The following ANKIB1 variants were observed in gnomAD, a reference collection of about 807,000 sequenced individuals.
ANKIB1 encodes ankyrin repeat and IBR domain containing 1, also known as ankyrin repeat and IBR domain-containing protein 1.
Under a neutral mutation model 122.1 loss-of-function variants are expected in ANKIB1, and 43 were observed. The observed-to-expected ratio is 0.35, with a 90% CI of 0.28 to 0.45. The LOEUF (loss-of-function observed/expected upper bound fraction) is 0.45, where lower values mean the gene tolerates loss of function less well. ANKIB1 is among the 20% of genes least tolerant of loss of function. ANKIB1 has a pLI of 1.00. For synonymous variants in ANKIB1, 390 were observed against 442.0 expected (o/e 0.88, Z 1.48); for missense variants, 992 against 1,329.5 (o/e 0.75, Z 3.95).
intron 15 of ANKIB1, among the ~76,000 whole-genome samples, chr7:92,390,405 A>T (rs1009155421): frequency 6.6e-6 from 1 of 152,156 alleles, no homozygotes; most frequent in Admixed American, 6.5e-5. Flanking sequence ...AATCAGGCAT[A>T]TTTCTGATTA....
intron 9 of ANKIB1, among the ~76,000 whole-genome samples, chr7:92,354,997 C>T (rs953679170): frequency 1.3e-5 from 2 of 152,166 alleles, no homozygotes; most frequent in African/African-American, 2.4e-5. Flanking sequence ...ACAGTTGAGC[C>T]ATACCCAGGA....
At chr7:92,287,904 C>T (rs996747290) in intron 1 of ANKIB1, among the ~76,000 whole-genome samples, 12 of 152,038 alleles carry the variant, frequency 7.9e-5, no homozygotes, top group East Asian at 5.8e-4. Context: ...GGCATGGCGG[C>T]GTGCGCCTGT....
At chr7:92,286,923 G>A (rs927078972) in intron 1 of ANKIB1, among the ~76,000 whole-genome samples, 1 of 152,166 alleles carries the variant, frequency 6.6e-6, no homozygotes, top group African/African-American at 2.4e-5. Context: ...CACCTCTGTT[G>A]CTACAGTCCT....
intron 2 of ANKIB1, among the ~76,000 whole-genome samples, chr7:92,306,535 G>C (rs923391678): frequency 2.6e-5 from 4 of 152,026 alleles, no homozygotes; most frequent in Non-Finnish European, 4.4e-5. Context: ...TAGATCACGA[G>C]GTTGGAGTCC....
chr7:92,283,554 T>G (rs1562770380), intron 1 of ANKIB1, among the ~76,000 whole-genome samples: 3 of 152,222 alleles, frequency 2.0e-5, no homozygotes, highest in South Asian at 2.1e-4. Context: ...GTCTGTCTCC[T>G]GCTCCTGGTT....
intron 5 of ANKIB1, among the ~76,000 whole-genome samples, chr7:92,337,789 A>G (rs776270150): frequency 7.2e-5 from 11 of 152,330 alleles, no homozygotes; most frequent in Middle Eastern, 3.4e-3. Flanking sequence ...TTGTAATTAC[A>G]TAATATAATG....
chr7:92,277,027 A>G (rs889042530), intron 1 of ANKIB1, among the ~76,000 whole-genome samples: 2 of 152,136 alleles, frequency 1.3e-5, no homozygotes, highest in Admixed American at 1.3e-4. Flanking sequence ...AAAAGTGTGT[A>G]GCACCTTCCC....
chr7:92,258,659 A>T (rs576480588), intron 1 of ANKIB1, among the ~76,000 whole-genome samples: 256 of 152,266 alleles, frequency 1.7e-3, no homozygotes, highest in African/African-American at 2.6e-3. Context: ...TAATTTTTTT[A>T]AAAAAATTGA....
chr7:92,389,891 G>GA lies in ANKIB1; in HGVS notation c.1907-72dup, dbSNP rs755423902. 361 of 1,420,234 alleles carry GA rather than the reference G, an allele frequency of 2.5e-4. 2 individuals are homozygous for GA. The highest frequency in any genetic ancestry group is 2.8e-4 in the Non-Finnish European group (300 of 1,057,326). 88.0% of individuals were successfully genotyped at this position (1,420,234 alleles called of 1,614,324 possible). Reference sequence around the variant, plus strand: ...ATGATCCTTCTTTTTCCTTTTTTGAGAAAAAAAATCATTGTTTAATTAATA... The same window carrying GA: ...ATGATCCTTCTTTTTCCTTTTTTGAGAAAAAAAAATCATTGTTTAATTAATA... On this transcript the variant is annotated intron_variant, in intron 14 of 19. Coordinates refer to ENST00000265742, the MANE Select transcript of ANKIB1 (RefSeq NM_019004.2).
rs149449866 is a variant in ANKIB1 at position 92,354,238 on chromosome 7, A to G, written c.1397+1596A>G. ...AAACATAGATGATGCTATAAACTGT[A>G]AATTTCTAGAATAACATTTGGAGAA... is the stretch of plus-strand genomic sequence containing the variant. On this transcript the variant is annotated intron_variant, in intron 9 of 19. Transcript: ENST00000265742. 8.5e-3 allele frequency among the ~76,000 whole-genome samples: 1,299 copies of G among 152,332 alleles called. 12 individuals are homozygous for G. Among genetic ancestry groups the G allele is most frequent in the Non-Finnish European group, 0.012 (845 of 68,026 alleles).
chr7:92,364,307 A>G (rs1804020949), intron 10 of ANKIB1, among the ~76,000 whole-genome samples: 1 of 121,826 alleles, frequency 8.2e-6, no homozygotes, highest in African/African-American at 3.5e-5. Flanking sequence ...GCAAGACTCC[A>G]TCTAAAAAAA....
chr7:92,256,115 G>A (rs1801439211), intron 1 of ANKIB1, among the ~76,000 whole-genome samples: 1 of 152,198 alleles, frequency 6.6e-6, no homozygotes, highest in Admixed American at 6.5e-5. Context: ...CTTTTAAGCT[G>A]ATACTTGAAT....
At chr7:92,340,859 A>T (rs1005567173) in intron 5 of ANKIB1, among the ~76,000 whole-genome samples, 1 of 152,252 alleles carries the variant, frequency 6.6e-6, no homozygotes, top group East Asian at 1.9e-4. Flanking sequence ...ATGGCCAACA[A>T]ACACATCAAA....
chr7:92,348,424 C>T (rs917284512), intron 7 of ANKIB1, among the ~76,000 whole-genome samples: 14 of 147,428 alleles, frequency 9.5e-5, no homozygotes, highest in Admixed American at 1.4e-4. Context: ...CTCGCTCCGT[C>T]ACCCAGGCAG....
At chr7:92,248,891 T>TC (rs1443049282) in intron 1 of ANKIB1, among the ~76,000 whole-genome samples, 4 of 145,752 alleles carry the variant, frequency 2.7e-5, no homozygotes, top group Non-Finnish European at 6.0e-5. Flanking sequence ...TTTCTTTCTT[T>TC]TTTTTTTTTT....
At chr7:92,295,309 T>C (rs1412307700) in intron 2 of ANKIB1, 143 bp downstream of exon 2, 1 of 513,178 alleles carries the variant, frequency 1.9e-6, no homozygotes, top group African/African-American at 2.0e-5. Flanking sequence ...ACATGTAATA[T>C]GGTTTTATAG....
intron 17 of ANKIB1, 135 bp downstream of exon 17, chr7:92,392,427 T>C (rs1167570566): frequency 7.5e-6 from 5 of 667,232 alleles, no homozygotes; most frequent in African/African-American, 1.8e-5. Context: ...AAAAATGCCT[T>C]GACAGAGCCT....
rs1802862124 is a variant in ANKIB1, at chr7:92,319,602, G to A, written c.669+90G>A. ...ATTTTTCTTCTTTAAAACTCAGTTT[G>A]TGTGTTCTTCTTTACAGTATTCTAA... On this transcript the variant is annotated intron_variant, in intron 4 of 19. Transcript: ENST00000265742. The A allele has an allele frequency of 3.1e-6, 4 of 1,290,378 alleles. No homozygotes were observed. The Admixed American group carries it at 6.7e-5, about 22-fold the overall frequency. The allele number at this position is 1,290,378 out of a possible 1,614,324, so 79.9% of individuals were successfully genotyped here.
chr7:92,279,182 G>A lies in ANKIB1; in HGVS notation c.-90-15707G>A, dbSNP rs546886121. On this transcript the variant is annotated intron_variant, in intron 1 of 19. Transcript: ENST00000265742. ...GATCTGACATGAGGCAGAACTCAGG[G>A]GGTAATGTTCACTTGCCCGCTGCTC... Among the ~76,000 whole-genome samples, 3 of 152,290 alleles carry A rather than the reference G, an allele frequency of 2.0e-5. No homozygotes were observed. The South Asian group carries it at 6.2e-4, about 32-fold the overall frequency.
Sources: gnomAD v4.1 joint callset for allele counts (sites outside exome capture counted in the v4.1 genomes callset) on GRCh38, gnomAD v4.1.1 for gene constraint, MANE v1.5 for transcripts, NCBI Gene and HGNC (gene_info 2026-07-23, HGNC 2026-07-21) for gene names.